The following ANKS1B variants were observed in gnomAD, a reference collection of about 807,000 sequenced individuals.
ANKS1B encodes ankyrin repeat and sterile alpha motif domain containing 1B, also known as ankyrin repeat and sterile alpha motif domain-containing protein 1B.
A neutral mutation model predicts 148.3 loss-of-function variants in ANKS1B; 36 were observed. The ratio of observed to expected loss-of-function variants is 0.24; its 90% CI spans 0.19 to 0.32. The LOEUF is 0.32. Ranked by LOEUF, ANKS1B falls within the 10% of genes least tolerant of loss-of-function variation. ANKS1B has a pLI of 1.00. For missense variants in ANKS1B, 1,157 were observed against 1,542.6 expected (o/e 0.75, Z 4.19); for synonymous variants, 542 against 560.8 (o/e 0.97, Z 0.47).
chr12:99,160,589 C>A (rs1566518340), intron 14 of ANKS1B, among the ~76,000 whole-genome samples: 1 of 151,034 alleles, frequency 6.6e-6, no homozygotes, highest in South Asian at 2.1e-4. Flanking sequence ...ACCTCATGAT[C>A]TGCCTGCCTC....
chr12:98,834,742 G>C (rs1402102482), intron 17 of ANKS1B, among the ~76,000 whole-genome samples: 1 of 152,120 alleles, frequency 6.6e-6, no homozygotes, highest in Non-Finnish European at 1.5e-5. Flanking sequence ...AACTAAGTGT[G>C]GCCCTACTGC....
At chr12:99,737,432 A>G (rs79787191) in intron 8 of ANKS1B, among the ~76,000 whole-genome samples, 2 of 152,130 alleles carry the variant, frequency 1.3e-5, no homozygotes, top group African/African-American at 4.8e-5. Context: ...TAAGCTAGAC[A>G]TACAAAGACA....
chr12:98,987,916 A>C (rs907491359), intron 17 of ANKS1B, among the ~76,000 whole-genome samples: 2 of 152,188 alleles, frequency 1.3e-5, no homozygotes, highest in African/African-American at 4.8e-5. Context: ...CTATGCCTAA[A>C]GATCTTTTTC....
chr12:99,061,832 T>C (rs17364888), intron 16 of ANKS1B, among the ~76,000 whole-genome samples: 14,560 of 152,266 alleles, frequency 0.096, 876 homozygotes, highest in South Asian at 0.22. Context: ...ACATCTGTTA[T>C]CGTTAAAGAA....
In ANKS1B at chr12:99,050,255, C is replaced by T. The variant is rs147420070; in HGVS notation, c.2778+2902G>A. 2.7e-3 allele frequency among the ~76,000 whole-genome samples: 411 copies of T among 152,150 alleles called. 2 individuals are homozygous for T. The highest frequency in any genetic ancestry group is 9.5e-3 in the African/African-American group (393 of 41,502). ...AGCCAAAGGCATGCACACATTTTGC[C>T]TTTTTCTCATTTTAAAACCCAGTAA... On this transcript the variant is annotated intron_variant, in intron 17 of 26. Transcript: ENST00000683438.
intron 17 of ANKS1B, among the ~76,000 whole-genome samples, chr12:98,849,864 A>G (rs778478239): frequency 1.3e-5 from 2 of 152,230 alleles, no homozygotes; most frequent in Non-Finnish European, 2.9e-5. Flanking sequence ...TAAACTTTGA[A>G]TTTCAACTTA....
At chr12:99,063,079 AC>A (rs1033507400) in intron 16 of ANKS1B, among the ~76,000 whole-genome samples, 1 of 152,044 alleles carries the variant, frequency 6.6e-6, no homozygotes, top group Middle Eastern at 3.2e-3. Context: ...AAACACAGCA[AC>A]CTATCATTTA....
chr12:99,194,447 T>G lies in ANKS1B; in HGVS notation c.2420-40052A>C, dbSNP rs575254832. ...ATTTAATTATTTTAAAAATAGAGTT[T>G]CATATTTTGAGTTTTATTTAATAAA... On this transcript the variant is annotated intron_variant, in intron 14 of 26. Transcript: ENST00000683438. Among the ~76,000 whole-genome samples the G allele has an allele frequency of 8.6e-5, 13 of 151,990 alleles. No homozygotes were observed. The South Asian group carries it at 2.7e-3, about 32-fold the overall frequency.
At chr12:99,395,429 T>A (rs1050508763) in intron 12 of ANKS1B, among the ~76,000 whole-genome samples, 2 of 152,164 alleles carry the variant, frequency 1.3e-5, no homozygotes, top group African/African-American at 4.8e-5. Flanking sequence ...CACCTTTCAC[T>A]CATCAGCTTA....
chr12:99,937,703 C>T (rs2094814700), intron 1 of ANKS1B, among the ~76,000 whole-genome samples: 1 of 152,182 alleles, frequency 6.6e-6, no homozygotes, highest in African/African-American at 2.4e-5. Context: ...AAATTAAATA[C>T]ATGTAGAGCA....
At chr12:99,717,197 C>A (rs952899868) in intron 8 of ANKS1B, among the ~76,000 whole-genome samples, 1 of 152,140 alleles carries the variant, frequency 6.6e-6, no homozygotes, top group Non-Finnish European at 1.5e-5. Context: ...CATCTTATTA[C>A]CCAATCTGCT....
At position 99,400,486 on chromosome 12, in the gene ANKS1B, T is replaced by C. The variant is rs920232520; in HGVS notation, c.1576-675A>G. 8.3e-5 allele frequency among the ~76,000 whole-genome samples: 12 copies of C among 145,376 alleles called. 1 individual carries two copies. The highest frequency in any genetic ancestry group is 8.2e-4 in the Admixed American group (12 of 14,606). On this transcript the variant is annotated intron_variant, in intron 11 of 26. Transcript: ENST00000683438. ...TAAAATCATGGAGTAATAGCAGATA[T>C]AATCTATACCCTTTGTCAGTAATGA...
At chr12:99,598,074 A>G (rs760887498) in intron 9 of ANKS1B, among the ~76,000 whole-genome samples, 4 of 152,090 alleles carry the variant, frequency 2.6e-5, no homozygotes, top group Non-Finnish European at 5.9e-5. Context: ...GAGAATTACC[A>G]TCTGAGTCTT....
intron 24 of ANKS1B, among the ~76,000 whole-genome samples, chr12:98,774,034 A>G (rs1464348827): frequency 1.3e-5 from 2 of 152,172 alleles, no homozygotes; most frequent in African/African-American, 4.8e-5. Flanking sequence ...CTCCGTGGAA[A>G]CTAAGGTGCA....
intron 1 of ANKS1B, among the ~76,000 whole-genome samples, chr12:99,931,982 T>G (rs1040886346): frequency 5.3e-5 from 8 of 152,168 alleles, no homozygotes; most frequent in African/African-American, 1.9e-4. Context: ...AGTTCAATTG[T>G]TTTCATTTTT....
At chr12:99,832,280 G>C (rs2153689862) in intron 1 of ANKS1B, among the ~76,000 whole-genome samples, 1 of 152,220 alleles carries the variant, frequency 6.6e-6, no homozygotes, top group East Asian at 1.9e-4. Flanking sequence ...ATACACTGTA[G>C]AATTTTAATA....
At chr12:99,514,388 A>G (rs1225283439) in intron 9 of ANKS1B, among the ~76,000 whole-genome samples, 1 of 152,084 alleles carries the variant, frequency 6.6e-6, no homozygotes, top group East Asian at 1.9e-4. Flanking sequence ...ACAATCACAG[A>G]TTCAAACTAT....
intron 9 of ANKS1B, among the ~76,000 whole-genome samples, chr12:99,514,332 G>C (rs926932495): frequency 6.6e-6 from 1 of 151,952 alleles, no homozygotes; most frequent in African/African-American, 2.4e-5. Flanking sequence ...CATATAGTAC[G>C]TATTTAATAA....
intron 10 of ANKS1B, among the ~76,000 whole-genome samples, chr12:99,503,227 C>A (rs2096672956): frequency 6.6e-6 from 1 of 152,322 alleles, no homozygotes. Context: ...CTGTAATAGG[C>A]TAGTGCTAAG....
Sources: allele counts gnomAD v4.1 joint callset (sites outside exome capture counted in the v4.1 genomes callset), GRCh38; gene constraint gnomAD v4.1.1; transcripts MANE v1.5; gene names NCBI Gene and HGNC (gene_info 2026-07-23, HGNC 2026-07-21).